ZNF474: variants seen among roughly 807,000 people sequenced by gnomAD.
The protein encoded by ZNF474 is zinc finger protein 474.
For missense variants in ZNF474, 511 were observed against 433.8 expected (o/e 1.18, Z -1.58); for synonymous variants, 192 against 162.2 (o/e 1.18, Z -1.39).
intron 1 of ZNF474, among the ~76,000 whole-genome samples, chr5:122,132,041 T>C (rs1220728760): frequency 2.0e-5 from 3 of 152,136 alleles, no homozygotes; most frequent in Admixed American, 2.0e-4. Flanking sequence ...ATACTTTCTG[T>C]CACTACAGAT....
chr5:122,130,999 G>C (rs534909593), intron 1 of ZNF474, among the ~76,000 whole-genome samples: 1 of 151,862 alleles, frequency 6.6e-6, no homozygotes, highest in Non-Finnish European at 1.5e-5. Flanking sequence ...TCTTCCCTTC[G>C]TCTCATCCTC....
In ZNF474 at chr5:122,151,978, G is replaced by T. The variant is rs1476018774; in HGVS notation, c.-13G>T. On this transcript the variant is annotated 5_prime_UTR_variant, in exon 2 of 2. Coordinates refer to ENST00000296600, the MANE Select transcript of ZNF474 (RefSeq NM_207317.3). ...GAAATCAGAGCAAGCACTACAGAAAGACATCTTTGTTAATGGAAAGAGGAA... is the reference window on the plus strand; with the variant it reads ...GAAATCAGAGCAAGCACTACAGAAATACATCTTTGTTAATGGAAAGAGGAA... The T allele has an allele frequency of 2.5e-6, 4 of 1,602,656 alleles. No homozygotes were observed. Among genetic ancestry groups the T allele is most frequent in the Admixed American group, 1.7e-5 (1 of 58,024 alleles).
intron 1 of ZNF474, among the ~76,000 whole-genome samples, chr5:122,148,704 A>G (rs190540400): frequency 2.2e-3 from 334 of 152,240 alleles, no homozygotes; most frequent in Non-Finnish European, 3.6e-3. Flanking sequence ...CATCTAGAAA[A>G]CAACTGTATA....
At position 122,152,103 on chromosome 5, in the gene ZNF474, A is replaced by G. The variant is rs1161376680; in HGVS notation, c.113A>G (p.Tyr38Cys). 6.2e-7 allele frequency: 1 copy of G among 1,614,060 alleles called. No individual in the cohort carries two copies. The highest frequency in any genetic ancestry group is 8.5e-7 in the Non-Finnish European group (1 of 1,180,012). The change falls in exon 2 of 2, where the codon TAT becomes TGT. Residue 38 changes from tyrosine to cysteine, a missense_variant. By Grantham distance (194) the Tyr-to-Cys change is radical (BLOSUM62 -2). Coordinates refer to ENST00000296600, the MANE Select transcript of ZNF474 (RefSeq NM_207317.3). ...GCTGGGCTTCTCTCTAGTGACTCCTATTCTAGCCTTTCCCCAGAAACAGAG... is the reference window on the plus strand; with the variant it reads ...GCTGGGCTTCTCTCTAGTGACTCCTGTTCTAGCCTTTCCCCAGAAACAGAG... ...NQAGLLSSDSYSSLSPETESV... is the reference protein window; with the variant it reads ...NQAGLLSSDSCSSLSPETESV...
At position 122,153,151 on chromosome 5, in the gene ZNF474, C is replaced by T; in HGVS notation, c.*66C>T. 1.3e-6 allele frequency: 2 copies of T among 1,535,152 alleles called. No individual in the cohort carries two copies. Among genetic ancestry groups the T allele is most frequent in the South Asian group, 2.6e-5 (2 of 76,306 alleles). ...CCCCTAGTATTTTTTCTATCAATGC[C>T]TTGTATCAGCCTCAAAGCAGCCTGT... is the stretch of plus-strand genomic sequence containing the variant. On this transcript the variant is annotated 3_prime_UTR_variant, in exon 2 of 2. Coordinates refer to ENST00000296600, the MANE Select transcript of ZNF474 (RefSeq NM_207317.3).
At chr5:122,131,314 A>C (rs554829343) in intron 1 of ZNF474, among the ~76,000 whole-genome samples, 1 of 152,164 alleles carries the variant, frequency 6.6e-6, no homozygotes, top group Non-Finnish European at 1.5e-5. Context: ...TGCTGGGTAT[A>C]TATCCAAAGA....
chr5:122,131,186 C>A (rs1359418733), intron 1 of ZNF474, among the ~76,000 whole-genome samples: 1 of 152,070 alleles, frequency 6.6e-6, no homozygotes, highest in Non-Finnish European at 1.5e-5. Flanking sequence ...GAAATGGGAA[C>A]CCTTATACAC....
rs1260326140 is a variant in ZNF474, at chr5:122,130,590, AGTTT to A, written c.-213+916_-213+919del. Among the ~76,000 whole-genome samples, 14 of 152,208 alleles carry A rather than the reference AGTTT, an allele frequency of 9.2e-5. No homozygotes were observed. The East Asian group carries it at 2.3e-3, about 25-fold the overall frequency. ...ACATTTGTTTATTACATTGATTGGT[AGTTT>A]GTTTGTTTCTAGTTTGGTCCTCTTA... On this transcript the variant is annotated intron_variant, in intron 1 of 1. Coordinates refer to ENST00000296600, the MANE Select transcript of ZNF474 (RefSeq NM_207317.3).
chr5:122,138,037 T>C (rs1377933929), intron 1 of ZNF474, among the ~76,000 whole-genome samples: 1 of 152,226 alleles, frequency 6.6e-6, no homozygotes, highest in Non-Finnish European at 1.5e-5. Flanking sequence ...GAAATGCTTC[T>C]ACATAAATTG....
intron 1 of ZNF474, among the ~76,000 whole-genome samples, chr5:122,149,910 T>C (rs971864962): frequency 2.0e-5 from 3 of 149,114 alleles, no homozygotes; most frequent in Admixed American, 6.6e-5. Flanking sequence ...TGTGTGTGTG[T>C]GTGCGCGCGT....
chr5:122,135,512 G>A (rs111790794), intron 1 of ZNF474, among the ~76,000 whole-genome samples: 1 of 152,116 alleles, frequency 6.6e-6, no homozygotes, highest in Non-Finnish European at 1.5e-5. Flanking sequence ...GCGAGGATGT[G>A]GAGAAAGGGC....
chr5:122,130,140 T>C (rs1024603846), intron 1 of ZNF474, among the ~76,000 whole-genome samples: 5 of 152,194 alleles, frequency 3.3e-5, no homozygotes, highest in Non-Finnish European at 7.3e-5. Context: ...TTAAAGGCTA[T>C]AATTACTCAG....
At position 122,146,276 on chromosome 5, in the gene ZNF474, A is replaced by G. The variant is rs758897643; in HGVS notation, c.-212-5503A>G. Among the ~76,000 whole-genome samples the G allele has an allele frequency of 4.3e-4, 65 of 152,212 alleles. 1 individual carries two copies. Among genetic ancestry groups the G allele is most frequent in the Non-Finnish European group, 8.7e-4 (59 of 68,036 alleles). Reference sequence around the variant, plus strand: ...AAAGAAGGTTGGGAGTATACAGACAATAAGTTAATAACTGGCACAATTTTG... The same window carrying G: ...AAAGAAGGTTGGGAGTATACAGACAGTAAGTTAATAACTGGCACAATTTTG... On this transcript the variant is annotated intron_variant, in intron 1 of 1. Transcript: ENST00000296600.
Position 122,151,705 on chromosome 5 carries a change from ATGTGTG to A in ZNF474, c.-212-46_-212-41del, listed in dbSNP as rs145270704. ...CACACACACACACAAAACAACCTAA[ATGTGTG>A]TGTGTGTGTGTGTGTGTGTGTGTGT... On this transcript the variant is annotated intron_variant, in intron 1 of 1. Transcript: ENST00000296600. The A allele has an allele frequency of 2.6e-4, 54 of 206,076 alleles. No homozygotes were observed. In the East Asian group the frequency reaches 2.7e-3, roughly 10 times the overall value. The allele number at this position is 206,076 out of a possible 1,614,324, so 12.8% of individuals were successfully genotyped here.
chr5:122,145,636 G>C (rs961227275), intron 1 of ZNF474, among the ~76,000 whole-genome samples: 1 of 152,124 alleles, frequency 6.6e-6, no homozygotes, highest in African/African-American at 2.4e-5. Context: ...TCATCTACTG[G>C]AAAATGGAAG....
chr5:122,143,692 C>G (rs1428263386), intron 1 of ZNF474, among the ~76,000 whole-genome samples: 1 of 152,156 alleles, frequency 6.6e-6, no homozygotes, highest in Non-Finnish European at 1.5e-5. Flanking sequence ...AAGCATAATT[C>G]TCTTATAAAG....
intron 1 of ZNF474, among the ~76,000 whole-genome samples, chr5:122,139,124 T>C (rs565139872): frequency 1.3e-5 from 2 of 152,326 alleles, no homozygotes; most frequent in Admixed American, 1.3e-4. Flanking sequence ...ATCTTATATA[T>C]GAAACATATG....
At chr5:122,144,260 G>T (rs1453246983) in intron 1 of ZNF474, among the ~76,000 whole-genome samples, 1 of 152,132 alleles carries the variant, frequency 6.6e-6, no homozygotes, top group African/African-American at 2.4e-5. Flanking sequence ...GAAGACTTCA[G>T]TTGGATTCTC....
At chr5:122,144,144 A>G (rs1212207492) in intron 1 of ZNF474, among the ~76,000 whole-genome samples, 1 of 152,092 alleles carries the variant, frequency 6.6e-6, no homozygotes, top group Non-Finnish European at 1.5e-5. Flanking sequence ...CCTCCCTCCT[A>G]GACCGAAGCA....
Sources: allele counts gnomAD v4.1 joint callset (sites outside exome capture counted in the v4.1 genomes callset), GRCh38; gene constraint gnomAD v4.1.1; transcripts MANE v1.5; gene names NCBI Gene and HGNC (gene_info 2026-07-23, HGNC 2026-07-21).